The following RRP1B variants were observed in gnomAD, a reference collection of about 807,000 sequenced individuals.
The protein encoded by RRP1B is ribosomal RNA processing 1B.
RRP1B carries 56 observed loss-of-function variants against 80.2 expected under a neutral mutation model. The observed-to-expected ratio is 0.70, with a 90% confidence interval of 0.56 to 0.87. The LOEUF is 0.87. Among genes scored for constraint, RRP1B ranks in the 40% least tolerant of loss-of-function variants. The probability of loss-of-function intolerance (pLI) is 0.00; values close to 1 mark genes in which losing one functional copy is unlikely to be tolerated. For missense variants in RRP1B, 807 were observed against 939.8 expected, an observed-to-expected ratio of 0.86 and a Z score of 1.85; for synonymous variants, 351 against 357.6, an observed-to-expected ratio of 0.98 and a Z score of 0.21.
At chr21:43,667,140 C>T (rs569590265) in intron 1 of RRP1B, among the ~76,000 whole-genome samples, 1 of 152,194 alleles carries the variant, frequency 6.6e-6, no homozygotes, top group Admixed American at 6.5e-5. Flanking sequence ...GTGATTATTG[C>T]CTGTGCATGT....
At position 43,691,358 on chromosome 21, in the gene RRP1B, C is replaced by A; in HGVS notation, c.2020-81C>A. On this transcript the variant is annotated intron_variant, in intron 14 of 15. Coordinates refer to ENST00000340648, the MANE Select transcript of RRP1B (RefSeq NM_015056.3). This position sits in a 1 kb window ranked among gnomAD's most constrained non-coding sequence, Gnocchi z 4.2. ...AGTGTGGGCGGCATACCCTCCAGGG[C>A]AGGTTCTCCAGAAAAATCTGACTAA... The A allele has an allele frequency of 2.3e-6, 3 of 1,313,330 alleles. No individual in the cohort carries two copies. Among genetic ancestry groups the A allele is most frequent in the Non-Finnish European group, 3.3e-6 (3 of 916,552 alleles). The allele number at this position is 1,313,330 out of a possible 1,614,324, so 81.4% of individuals were successfully genotyped here.
intron 8 of RRP1B, 41 bp downstream of exon 8, chr21:43,676,955 A>T: frequency 6.3e-7 from 1 of 1,583,618 alleles, no homozygotes; most frequent in Non-Finnish European, 8.6e-7. Flanking sequence ...TCTTTCTGCT[A>T]AAATCCTCCT....
chr21:43,670,344 C>T (rs2082994673), intron 2 of RRP1B, among the ~76,000 whole-genome samples: 1 of 152,204 alleles, frequency 6.6e-6, no homozygotes, highest in Non-Finnish European at 1.5e-5. Context: ...AGAGGGCAGC[C>T]GCGTCACTGG....
At chr21:43,692,417 G>A (rs1393129757) in intron 15 of RRP1B, among the ~76,000 whole-genome samples, 1 of 152,042 alleles carries the variant, frequency 6.6e-6, no homozygotes, top group Non-Finnish European at 1.5e-5. Flanking sequence ...TGGCCAACAT[G>A]GTAAAACCCC....
In RRP1B at chr21:43,659,633, G is replaced by A. The variant is rs1358669315; in HGVS notation, c.-32G>A. The stretch of plus-strand genomic sequence containing the variant: ...TCGGCTGGCTGCAGCGGCACCGCGG[G>A]TTGCGCGGCCGGGGATGCTCCAGCG... On this transcript the variant is annotated 5_prime_UTR_variant, in exon 1 of 16. Coordinates refer to ENST00000340648, the MANE Select transcript of RRP1B (RefSeq NM_015056.3). This position sits in a 1 kb window ranked among gnomAD's most constrained non-coding sequence, Gnocchi z 4.2. 2.8e-6 allele frequency: 4 copies of A among 1,450,826 alleles called. No homozygotes were observed. The highest frequency in any genetic ancestry group is 2.6e-5 in the Admixed American group (1 of 38,946). 89.9% of individuals were successfully genotyped at this position (1,450,826 alleles called of 1,614,324 possible). A position where few individuals can be genotyped will look rare whatever the true frequency, so the allele number is the denominator to read the frequency against.
chr21:43,676,627 C>A, intron 7 of RRP1B, 106 bp from the exon 8 acceptor site: 1 of 1,115,494 alleles, frequency 9.0e-7, no homozygotes, highest in South Asian at 1.5e-5. Context: ...GTGGGGGCCA[C>A]TCCAGACCAC....
chr21:43,681,299 GATA>G (rs2083042588), intron 8 of RRP1B, among the ~76,000 whole-genome samples: 1 of 144,510 alleles, frequency 6.9e-6, no homozygotes, highest in South Asian at 2.1e-4. Context: ...TAGATAGATA[GATA>G]GAATCAAGAA....
chr21:43,695,688 T>C lies in RRP1B; in HGVS notation c.*2305T>C, dbSNP rs1279530870. On this transcript the variant is annotated 3_prime_UTR_variant, in exon 16 of 16. Coordinates refer to ENST00000340648, the MANE Select transcript of RRP1B (RefSeq NM_015056.3). ...ACGCATGATATTTTCCTAAGTAAAA[T>C]TGCCAAGTGGACTTGGAAGTCCAGA... The C allele has an allele frequency of 1.3e-5, 2 of 152,244 alleles. No individual in the cohort carries two copies. Among genetic ancestry groups the C allele is most frequent in the African/African-American group, 4.8e-5 (2 of 41,466 alleles). The allele number at this position is 152,244 out of a possible 1,614,324, so 9.4% of individuals were successfully genotyped here.
chr21:43,695,300 C>T lies in RRP1B; in HGVS notation c.*1917C>T, dbSNP rs1231853618. The T allele has an allele frequency of 1.3e-5, 2 of 152,070 alleles. No individual in the cohort carries two copies. Among genetic ancestry groups the T allele is most frequent in the Non-Finnish European group, 2.9e-5 (2 of 68,024 alleles). 9.4% of individuals were successfully genotyped at this position (152,070 alleles called of 1,614,324 possible). On this transcript the variant is annotated 3_prime_UTR_variant, in exon 16 of 16. Transcript: ENST00000340648. ...ACATTGTTGAGATGTCTTAGGACAT[C>T]TAAGGCAAAACTGGCACATTTGTTC... is the stretch of plus-strand genomic sequence containing the variant.
At position 43,669,963 on chromosome 21, in the gene RRP1B, A is replaced by G. The variant is rs1328334303; in HGVS notation, c.210A>G (p.Leu70=). ...YCMWVQDEPL[L]QEELANTIAQ... ...TGTGGGTGCAGGATGAACCCCTTCT[A>G]CAGGTAACATGCGTTCCCTTTGTCA... Residue 70 remains leucine (L), a synonymous_variant, in exon 2 of 16, where the codon CTA becomes CTG. Coordinates refer to ENST00000340648, the MANE Select transcript of RRP1B (RefSeq NM_015056.3). The G allele has an allele frequency of 5.6e-6, 9 of 1,603,484 alleles. No homozygotes were observed. The highest frequency in any genetic ancestry group is 2.2e-5 in the South Asian group (2 of 90,092).
intron 2 of RRP1B, among the ~76,000 whole-genome samples, chr21:43,670,381 T>G (rs1306388873): frequency 6.6e-6 from 1 of 152,210 alleles, no homozygotes; most frequent in South Asian, 2.1e-4. Context: ...AGAGCAGCAG[T>G]AGCGCTCAGC....
chr21:43,681,920 C>T (rs958314775), intron 8 of RRP1B, among the ~76,000 whole-genome samples: 1 of 152,182 alleles, frequency 6.6e-6, no homozygotes, highest in Non-Finnish European at 1.5e-5. Context: ...CACTGCACTG[C>T]GTCCTGGGCA....
chr21:43,689,759 C>G (rs2083078859), intron 13 of RRP1B, among the ~76,000 whole-genome samples: 1 of 152,256 alleles, frequency 6.6e-6, no homozygotes, highest in South Asian at 2.1e-4. Context: ...ACACTTGAAC[C>G]TGCCGGAGCC....
Position 43,677,280 on chromosome 21 carries a change from G to A in RRP1B, c.796+366G>A, listed in dbSNP as rs184515357. The stretch of plus-strand genomic sequence containing the variant: ...GGCCTCATTTCTACGGGTTACTCGA[G>A]GGACGTACGCTTGTTTCTGTGGCTG... On this transcript the variant is annotated intron_variant, in intron 8 of 15. Coordinates refer to ENST00000340648, the MANE Select transcript of RRP1B (RefSeq NM_015056.3). Among the ~76,000 whole-genome samples the A allele has an allele frequency of 9.8e-4, 149 of 152,306 alleles. 2 individuals are homozygous for A. Among genetic ancestry groups the A allele is most frequent in the African/African-American group, 3.4e-3 (141 of 41,562 alleles).
intron 9 of RRP1B, among the ~76,000 whole-genome samples, chr21:43,683,972 CAAAAAAAAAA>C (rs60372004): frequency 1.1e-5 from 1 of 89,004 alleles, no homozygotes; most frequent in South Asian, 4.2e-4. Context: ...GACTCTGGCT[CAAAAAAAAAA>C]AAAAAAAAGC....
At chr21:43,679,517 C>T (rs555800073) in intron 8 of RRP1B, among the ~76,000 whole-genome samples, 4 of 152,302 alleles carry the variant, frequency 2.6e-5, no homozygotes, top group African/African-American at 9.6e-5. Context: ...AAGTGATCCA[C>T]CAGCTTCAGC....
chr21:43,669,255 C>T (rs943983307), intron 1 of RRP1B, among the ~76,000 whole-genome samples: 4 of 152,032 alleles, frequency 2.6e-5, no homozygotes, highest in Admixed American at 1.3e-4. Flanking sequence ...AAATGATCAC[C>T]GTTACAGGGA....
intron 8 of RRP1B, among the ~76,000 whole-genome samples, chr21:43,682,713 G>A (rs550562647): frequency 3.9e-4 from 60 of 152,334 alleles, no homozygotes; most frequent in Middle Eastern, 3.4e-3. Flanking sequence ...GTGTGGGGGA[G>A]GAAATCATCG....
Position 43,684,504 on chromosome 21 carries a change from G to A in RRP1B, c.892-49G>A, listed in dbSNP as rs778550643. ...TAGCAGATGTAAATGGCCAAGTCAG[G>A]CAGTGTTGTTTGGCTGCAGACTTAT... On this transcript the variant is annotated intron_variant, in intron 9 of 15. Transcript: ENST00000340648. 6.0e-6 allele frequency: 9 copies of A among 1,502,882 alleles called. No homozygotes were observed. The East Asian group carries it at 2.0e-4, about 34-fold the overall frequency. 93.1% of individuals were successfully genotyped at this position (1,502,882 alleles called of 1,614,324 possible). A position where few individuals can be genotyped will look rare whatever the true frequency, so the allele number is the denominator to read the frequency against.
Sources: gnomAD v4.1 joint callset for allele counts (sites outside exome capture counted in the v4.1 genomes callset) on GRCh38, gnomAD v4.1.1 for gene constraint, Gnocchi (gnomAD v3.1) non-coding constraint, MANE v1.5 for transcripts, NCBI Gene and HGNC (gene_info 2026-07-23, HGNC 2026-07-21) for gene names.